Variants in KCNJ3 observed in about 807,000 individuals in gnomAD.
KCNJ3 encodes G protein-activated inward rectifier potassium channel 1.
Under a neutral mutation model 39.2 loss-of-function variants are expected in KCNJ3, and 4 were observed. That is an observed-to-expected ratio of 0.10 (90% CI 0.05 to 0.23). The LOEUF (loss-of-function observed/expected upper bound fraction) is 0.23, where lower values mean the gene tolerates loss of function less well. Ranked by LOEUF, KCNJ3 falls within the 10% of genes least tolerant of loss-of-function variation. The pLI, the probability that KCNJ3 is intolerant of heterozygous loss-of-function variation, is 1.00. For missense variants in KCNJ3, 276 were observed against 634.9 expected, an observed-to-expected ratio of 0.43 and a Z score of 6.08; for synonymous variants, 230 against 237.4, an observed-to-expected ratio of 0.97 and a Z score of 0.29.
At chr2:154,827,788 C>T (rs1024519065) in intron 2 of KCNJ3, among the ~76,000 whole-genome samples, 3 of 152,068 alleles carry the variant, frequency 2.0e-5, no homozygotes, top group Non-Finnish European at 2.9e-5. Flanking sequence ...GTAATATATT[C>T]TAATCAAGTG....
chr2:154,723,625 T>A (rs1685301383), intron 2 of KCNJ3, among the ~76,000 whole-genome samples: 1 of 78,396 alleles, frequency 1.3e-5, no homozygotes. Flanking sequence ...GTTTTGTGTT[T>A]GTTTTGTCCC....
At chr2:154,759,543 T>C (rs1262530133) in intron 2 of KCNJ3, among the ~76,000 whole-genome samples, 1 of 152,002 alleles carries the variant, frequency 6.6e-6, no homozygotes, top group Non-Finnish European at 1.5e-5. Context: ...AAATATTTGT[T>C]TTTTTCTTTT....
intron 2 of KCNJ3, among the ~76,000 whole-genome samples, chr2:154,724,599 A>G (rs572800703): frequency 6.6e-6 from 1 of 151,970 alleles, no homozygotes; most frequent in Admixed American, 6.5e-5. Context: ...TGCTTTCCCT[A>G]CATATTTCAA....
chr2:154,723,396 T>C (rs923582292), intron 2 of KCNJ3, among the ~76,000 whole-genome samples: 1 of 152,074 alleles, frequency 6.6e-6, no homozygotes, highest in African/African-American at 2.4e-5. Context: ...AACAGTAAGG[T>C]GTAAGCTAGA....
chr2:154,838,444 C>CTT (rs1687507270), intron 2 of KCNJ3, among the ~76,000 whole-genome samples: 1 of 152,148 alleles, frequency 6.6e-6, no homozygotes, highest in African/African-American at 2.4e-5. Context: ...ACCTCAGTAT[C>CTT]TTTATCAGTC....
intron 2 of KCNJ3, among the ~76,000 whole-genome samples, chr2:154,725,339 A>T (rs1258870680): frequency 2.7e-5 from 4 of 150,660 alleles, no homozygotes; most frequent in African/African-American, 9.8e-5. Flanking sequence ...TTTTGGGAAG[A>T]TATCTTTTCT....
chr2:154,847,585 G>A (rs1019005102), intron 2 of KCNJ3, among the ~76,000 whole-genome samples: 1 of 124,756 alleles, frequency 8.0e-6, no homozygotes, highest in African/African-American at 2.5e-5. Context: ...TAAATTTTCA[G>A]GATTTTTTCT....
chr2:154,736,374 T>TAAAAAAAAAAAAAAAAAAAAAA lies in KCNJ3; in HGVS notation c.919+26574_919+26595dup, dbSNP rs70983745. Among the ~76,000 whole-genome samples, 16 of 93,236 alleles carry TAAAAAAAAAAAAAAAAAAAAAA rather than the reference T, an allele frequency of 1.7e-4. 2 individuals carry two copies. The highest frequency in any genetic ancestry group is 2.3e-4 in the Non-Finnish European group (11 of 47,050). 61.2% of individuals were successfully genotyped at this position (93,236 alleles called of 152,430 possible). A position where few individuals can be genotyped will look rare whatever the true frequency, so the allele number is the denominator to read the frequency against. On this transcript the variant is annotated intron_variant, in intron 2 of 2. Transcript: ENST00000295101. ...AGAGAGTGACAGGAGTCACTAGTTC[T>TAAAAAAAAAAAAAAAAAAAAAA]AAAAAAAAAAAAAAAAAAAAAAAAA...
At chr2:154,777,079 T>C (rs765469122) in intron 2 of KCNJ3, among the ~76,000 whole-genome samples, 16 of 151,964 alleles carry the variant, frequency 1.1e-4, no homozygotes, top group Non-Finnish European at 2.2e-4. Flanking sequence ...ATTGGAAAGA[T>C]GCAGTTGGGA....
intron 2 of KCNJ3, among the ~76,000 whole-genome samples, chr2:154,821,522 A>G (rs544606988): frequency 6.6e-6 from 1 of 152,106 alleles, no homozygotes; most frequent in African/African-American, 2.4e-5. Context: ...TGTATTTTGT[A>G]CTTTCCTTGG....
chr2:154,840,145 T>C (rs1687550186), intron 2 of KCNJ3, among the ~76,000 whole-genome samples: 1 of 152,224 alleles, frequency 6.6e-6, no homozygotes, highest in African/African-American at 2.4e-5. Context: ...AGTTTCAGCT[T>C]TCTACATATG....
chr2:154,816,879 C>T (rs1404724830), intron 2 of KCNJ3, among the ~76,000 whole-genome samples: 1 of 152,104 alleles, frequency 6.6e-6, no homozygotes. Context: ...CCCTTCTATC[C>T]TTATCGCAAT....
At chr2:154,781,928 C>T (rs948384990) in intron 2 of KCNJ3, among the ~76,000 whole-genome samples, 3 of 152,194 alleles carry the variant, frequency 2.0e-5, no homozygotes, top group Admixed American at 6.5e-5. Flanking sequence ...TAACAAATGG[C>T]GAACTGGTCT....
At chr2:154,828,121 T>C (rs1002310224) in intron 2 of KCNJ3, among the ~76,000 whole-genome samples, 1 of 152,180 alleles carries the variant, frequency 6.6e-6, no homozygotes, top group African/African-American at 2.4e-5. Flanking sequence ...TAGAAGACAT[T>C]TATACTGTAA....
chr2:154,748,704 T>C (rs1371460925), intron 2 of KCNJ3, among the ~76,000 whole-genome samples: 1 of 152,032 alleles, frequency 6.6e-6, no homozygotes, highest in Admixed American at 6.6e-5. Flanking sequence ...GAAAATAGAG[T>C]AAGTAATGAC....
intron 2 of KCNJ3, among the ~76,000 whole-genome samples, chr2:154,850,648 T>A (rs1245141093): frequency 6.6e-6 from 1 of 152,180 alleles, no homozygotes; most frequent in African/African-American, 2.4e-5. Flanking sequence ...TGATTGTGAA[T>A]TGGAAATGTC....
intron 2 of KCNJ3, among the ~76,000 whole-genome samples, chr2:154,814,637 C>CA (rs961631515): frequency 4.5e-4 from 67 of 150,412 alleles, no homozygotes; most frequent in African/African-American, 1.5e-3. Context: ...GACTCCGTCT[C>CA]AAAAAAAATA....
intron 2 of KCNJ3, among the ~76,000 whole-genome samples, chr2:154,817,007 C>T (rs1687092989): frequency 6.6e-6 from 1 of 152,028 alleles, no homozygotes. Context: ...AGTCATTTGG[C>T]CCTGAGGCAT....
intron 2 of KCNJ3, among the ~76,000 whole-genome samples, chr2:154,820,108 A>G (rs1465283993): frequency 6.6e-6 from 1 of 152,154 alleles, no homozygotes; most frequent in African/African-American, 2.4e-5. Flanking sequence ...AAAAATTAAC[A>G]TTGGTCACAA....
Sources: gnomAD v4.1 joint callset for allele counts (sites outside exome capture counted in the v4.1 genomes callset) on GRCh38, gnomAD v4.1.1 for gene constraint, MANE v1.5 for transcripts, NCBI Gene and HGNC (gene_info 2026-07-23, HGNC 2026-07-21) for gene names.